Variants in NIBAN2 observed in about 807,000 individuals in gnomAD.
The protein encoded by NIBAN2 is protein Niban 2.
Under a neutral mutation model 81.8 loss-of-function variants are expected in NIBAN2, and 36 were observed. That is an observed-to-expected ratio of 0.44 (90% CI 0.34 to 0.58). NIBAN2 has a LOEUF of 0.58. NIBAN2 is among the 20% of genes least tolerant of loss of function. NIBAN2 has a pLI of 0.02. For synonymous variants in NIBAN2, 445 were observed against 441.6 expected (o/e 1.01, Z -0.10); for missense variants, 897 against 1,014.1 (o/e 0.88, Z 1.57).
At position 127,507,108 on chromosome 9, in the gene NIBAN2, C is replaced by A. The variant is rs1037408206; in HGVS notation, c.1978G>T (p.Gly660Cys). 4 of 1,585,920 alleles carry A rather than the reference C, an allele frequency of 2.5e-6. No homozygotes were observed. In the South Asian group the frequency reaches 3.4e-5, roughly 13 times the overall value. The stretch of plus-strand genomic sequence containing the variant: ...GGTGGGGGGCTCTCAGGCCGCAGAC[C>A]TTGGGCCAGCAGGCCTCGGATCTCA... ...VTEIRGLLAQ[G>C]LRPESPPPAG... Residue 660 changes from glycine to cysteine, a missense_variant, in exon 14 of 14, where the codon GGT becomes TGT. Coordinates refer to ENST00000373312, the MANE Select transcript of NIBAN2 (RefSeq NM_022833.4). The surrounding 1 kb of genome is among the most constrained non-coding windows in gnomAD (Gnocchi z 6.8).
chr9:127,566,991 A>C (rs368980234), intron 1 of NIBAN2, among the ~76,000 whole-genome samples: 11 of 152,010 alleles, frequency 7.2e-5, no homozygotes, highest in Admixed American at 2.6e-4. Context: ...AGTGTGGAGA[A>C]GAGAGAGACC....
chr9:127,543,902 TC>T (rs1241271771), intron 1 of NIBAN2, among the ~76,000 whole-genome samples: 1 of 152,214 alleles, frequency 6.6e-6, no homozygotes, highest in Non-Finnish European at 1.5e-5. Flanking sequence ...CAGAGGCAGA[TC>T]CCATATATGC....
intron 1 of NIBAN2, among the ~76,000 whole-genome samples, chr9:127,558,507 G>T (rs2132231347): frequency 6.6e-6 from 1 of 152,180 alleles, no homozygotes. Flanking sequence ...GAGCTCATGG[G>T]GTCCTCCAGA....
upstream of NIBAN2, among the ~76,000 whole-genome samples, chr9:127,569,251 C>T (rs1193254783): frequency 1.4e-5 from 2 of 145,888 alleles, no homozygotes; most frequent in African/African-American, 2.5e-5. Flanking sequence ...CCCAGCCCCT[C>T]CAGGGCCCGC....
Position 127,576,634 on chromosome 9 carries a change from C to T in NIBAN2, c.16+2288G>A, listed in dbSNP as rs75933032. 4.4e-3 allele frequency among the ~76,000 whole-genome samples: 669 copies of T among 152,128 alleles called. 11 individuals carry two copies. The East Asian group carries it at 0.066, about 15-fold the overall frequency. On this transcript the variant is annotated intron_variant, in intron 1 of 13. Transcript: ENST00000373314. ...TATAAGTAAGAGATGAGGATGAGAT[C>T]AGGCACAGTGGCTCACGCCTGTAAT...
chr9:127,572,994 G>C (rs958449990), upstream of NIBAN2, among the ~76,000 whole-genome samples: 2 of 152,172 alleles, frequency 1.3e-5, no homozygotes, highest in Non-Finnish European at 2.9e-5. Context: ...GCAGTGTGCT[G>C]TGATCTCGCC....
chr9:127,528,840 G>A (rs1837126252), intron 2 of NIBAN2, among the ~76,000 whole-genome samples: 1 of 152,184 alleles, frequency 6.6e-6, no homozygotes, highest in South Asian at 2.1e-4. Context: ...AAGGCCCCTA[G>A]TTTTCATCTT....
intron 1 of NIBAN2, among the ~76,000 whole-genome samples, chr9:127,547,077 C>A (rs1204217799): frequency 6.6e-6 from 1 of 151,998 alleles, no homozygotes; most frequent in Non-Finnish European, 1.5e-5. Context: ...TTTATCAGCA[C>A]GTCCTAGGTC....
intron 1 of NIBAN2, among the ~76,000 whole-genome samples, chr9:127,565,295 G>A (rs746774787): frequency 3.3e-5 from 5 of 152,028 alleles, no homozygotes; most frequent in Admixed American, 1.3e-4. Flanking sequence ...TAGACAAAAT[G>A]TTCAGTGGTT....
chr9:127,523,307 C>A (rs1186205883), intron 5 of NIBAN2, among the ~76,000 whole-genome samples: 1 of 135,892 alleles, frequency 7.4e-6, no homozygotes, highest in East Asian at 2.4e-4. Flanking sequence ...ATCCTCATAA[C>A]CCCCCTAAGA....
At chr9:127,552,570 C>A (rs1486349446) in intron 1 of NIBAN2, among the ~76,000 whole-genome samples, 1 of 151,870 alleles carries the variant, frequency 6.6e-6, no homozygotes, top group Non-Finnish European at 1.5e-5. Context: ...GAGCAAGATG[C>A]CATCTCAAAA....
chr9:127,542,367 T>A (rs1474146850), intron 1 of NIBAN2, among the ~76,000 whole-genome samples: 1 of 152,138 alleles, frequency 6.6e-6, no homozygotes, highest in East Asian at 1.9e-4. Flanking sequence ...TAAAGGTCTG[T>A]TCCTCATGTG....
chr9:127,518,766 G>A lies in NIBAN2; in HGVS notation c.590-825C>T, dbSNP rs1003352815. ...AGATCAGGGTCCAGCACTGCTCTGC[G>A]CCACACTTTTTATCAATAACTGAGG... On this transcript the variant is annotated intron_variant, in intron 5 of 13. Transcript: ENST00000373312. Among the ~76,000 whole-genome samples the A allele has an allele frequency of 5.9e-5, 9 of 152,320 alleles. No homozygotes were observed. The East Asian group carries it at 1.4e-3, about 23-fold the overall frequency.
chr9:127,550,334 G>A (rs1036805792), intron 1 of NIBAN2, among the ~76,000 whole-genome samples: 2 of 152,218 alleles, frequency 1.3e-5, no homozygotes, highest in Non-Finnish European at 1.5e-5. Context: ...TGATAGAACT[G>A]ACCTGAGTCC....
Position 127,523,195 on chromosome 9 carries a change from ATATATATATATATATATATAT to A in NIBAN2, c.589+463_589+483del, listed in dbSNP as rs1564301380. On this transcript the variant is annotated intron_variant, in intron 5 of 13. Coordinates refer to ENST00000373312, the MANE Select transcript of NIBAN2 (RefSeq NM_022833.4). ...AAAAAAAAAAAAAAAAAAAAAAAAT[ATATATATATATATATATATAT>A]ATATATATATATATATATATATATA... Among the ~76,000 whole-genome samples the A allele has an allele frequency of 8.3e-3, 38 of 4,562 alleles. 11 individuals carry two copies. The highest frequency in any genetic ancestry group is 0.024 in the East Asian group (2 of 82). The allele number at this position is 4,562 out of a possible 152,430, so 3.0% of individuals were successfully genotyped here.
intron 3 of NIBAN2, 151 bp downstream of exon 3, chr9:127,527,043 G>A: frequency 1.1e-6 from 1 of 878,590 alleles, no homozygotes; most frequent in Non-Finnish European, 1.8e-6. Context: ...CCCAGTTTGG[G>A]GGAGGGGAGG....
intron 9 of NIBAN2, 63 bp from the exon 10 acceptor site, chr9:127,509,194 C>T: frequency 2.0e-6 from 3 of 1,490,094 alleles, no homozygotes; most frequent in African/African-American, 1.4e-5. Context: ...GCACCCCCCA[C>T]ACACTTTGCC....
chr9:127,533,052 G>A (rs1837213583), intron 1 of NIBAN2, among the ~76,000 whole-genome samples: 1 of 151,994 alleles, frequency 6.6e-6, no homozygotes, highest in African/African-American at 2.4e-5. Context: ...CGGCTACTCA[G>A]GAGGCTGAGA....
chr9:127,576,926 T>C (rs10987690), intron 1 of NIBAN2, among the ~76,000 whole-genome samples: 120,468 of 151,158 alleles, frequency 0.8, 48,316 homozygotes, highest in African/African-American at 0.88. Flanking sequence ...CTCCTAACCT[T>C]GTGATCCACC....
Sources: allele counts gnomAD v4.1 joint callset (sites outside exome capture counted in the v4.1 genomes callset), GRCh38; gene constraint gnomAD v4.1.1; non-coding constraint Gnocchi (gnomAD v3.1); transcripts MANE v1.5; gene names NCBI Gene and HGNC (gene_info 2026-07-23, HGNC 2026-07-21).